The following EEPD1 variants were observed in gnomAD, a reference collection of about 807,000 sequenced individuals.
EEPD1 encodes the protein endonuclease/exonuclease/phosphatase family domain-containing protein 1.
A neutral mutation model predicts 46.3 loss-of-function variants in EEPD1; 17 were observed. The ratio of observed to expected loss-of-function variants is 0.37; its 90% CI spans 0.25 to 0.55. The LOEUF (loss-of-function observed/expected upper bound fraction) is 0.55. EEPD1 is among the 20% of genes least tolerant of loss of function. The pLI is 0.83. For synonymous variants in EEPD1, 313 were observed against 315.6 expected, an observed-to-expected ratio of 0.99 and a Z score of 0.09; for missense variants, 673 against 745.6, an observed-to-expected ratio of 0.90 and a Z score of 1.13.
In EEPD1 at chr7:36,297,039, C is replaced by A; in HGVS notation, c.1362C>A (p.Asp454Glu). 1.9e-6 allele frequency: 3 copies of A among 1,614,224 alleles called. No homozygotes were observed. The highest frequency in any genetic ancestry group is 2.5e-6 in the Non-Finnish European group (3 of 1,180,032). Residue 454 changes from aspartate to glutamate, a missense_variant, in exon 7 of 8, where the codon GAC becomes GAA. Physicochemically the swap from Asp to Glu is conservative, Grantham distance 45 (BLOSUM62 2). Transcript: ENST00000242108. ...TAGGGGATTTTGGCCAAGGGCCAGA[C>A]AGCAATGACTATGATATCCTGAGGA... ...IILGDFGQGP[D>E]SNDYDILRKE...
chr7:36,266,463 A>G (rs1787020522), intron 3 of EEPD1, among the ~76,000 whole-genome samples: 1 of 152,206 alleles, frequency 6.6e-6, no homozygotes. Context: ...AGCCTAGAGC[A>G]GCATCCTTTC....
intron 2 of EEPD1, among the ~76,000 whole-genome samples, chr7:36,185,899 C>T (rs1785353677): frequency 6.6e-6 from 1 of 152,178 alleles, no homozygotes; most frequent in Admixed American, 6.5e-5. Context: ...TAAAAGTGTA[C>T]AGCATAAATC....
At chr7:36,285,174 G>C (rs1361259024) in intron 5 of EEPD1, among the ~76,000 whole-genome samples, 1 of 152,162 alleles carries the variant, frequency 6.6e-6, no homozygotes, top group Non-Finnish European at 1.5e-5. Context: ...CAGAATTTGG[G>C]GGATTATCCG....
intron 2 of EEPD1, among the ~76,000 whole-genome samples, chr7:36,226,872 AAAG>A (rs1483662900): frequency 5.9e-5 from 9 of 152,200 alleles, no homozygotes; most frequent in Non-Finnish European, 7.3e-5. Flanking sequence ...CATTTAAACA[AAAG>A]AAGGTGACAG....
chr7:36,297,176 A>T lies in EEPD1; in HGVS notation c.1499A>T (p.Lys500Met). The T allele has an allele frequency of 3.1e-6, 5 of 1,614,068 alleles. No individual in the cohort carries two copies. The highest frequency in any genetic ancestry group is 4.2e-6 in the Non-Finnish European group (5 of 1,179,962). The change falls in exon 7 of 8, where the codon AAG (lysine) becomes ATG (methionine). Residue 500 changes from lysine to methionine, a missense_variant. By Grantham distance (95) the Lys-to-Met change is moderately conservative. Coordinates refer to ENST00000242108, the MANE Select transcript of EEPD1 (RefSeq NM_030636.3). Reference protein sequence around the residue: ...DNIWISKSLKKVFTGHWAVVR... With the variant: ...DNIWISKSLKMVFTGHWAVVR... ...ATCTGGATCAGTAAAAGCTTAAAGAAGGTTTTCACAGGTGAGGCAGAACTC... is the reference window on the plus strand; with the variant it reads ...ATCTGGATCAGTAAAAGCTTAAAGATGGTTTTCACAGGTGAGGCAGAACTC...
At chr7:36,204,631 G>A (rs1785779979) in intron 2 of EEPD1, among the ~76,000 whole-genome samples, 1 of 152,124 alleles carries the variant, frequency 6.6e-6, no homozygotes, top group South Asian at 2.1e-4. Context: ...AGATGAGGAG[G>A]ATCCCAGCAG....
At chr7:36,216,594 A>G (rs568993234) in intron 2 of EEPD1, among the ~76,000 whole-genome samples, 1 of 152,366 alleles carries the variant, frequency 6.6e-6, no homozygotes, top group African/African-American at 2.4e-5. Context: ...GTTTGAAACA[A>G]TTAAAGTTGT....
chr7:36,299,343 C>A lies in EEPD1; in HGVS notation c.*137C>A. 9.2e-7 allele frequency: 1 copy of A among 1,087,742 alleles called. No individual in the cohort carries two copies. The highest frequency in any genetic ancestry group is 1.3e-6 in the Non-Finnish European group (1 of 769,992). 67.4% of individuals were successfully genotyped at this position (1,087,742 alleles called of 1,614,324 possible). ...CATCAGCACTTGAGGCCTTGCCCCACGCCTTCTCTGTGGACCATTCAGGAC... is the reference window on the plus strand; with the variant it reads ...CATCAGCACTTGAGGCCTTGCCCCAAGCCTTCTCTGTGGACCATTCAGGAC... On this transcript the variant is annotated 3_prime_UTR_variant, in exon 8 of 8. Transcript: ENST00000242108.
At position 36,171,805 on chromosome 7, in the gene EEPD1, C is replaced by G. The variant is rs570658389; in HGVS notation, c.878+16603C>G. On this transcript the variant is annotated intron_variant, in intron 2 of 7. Coordinates refer to ENST00000242108, the MANE Select transcript of EEPD1 (RefSeq NM_030636.3). Reference sequence around the variant, plus strand: ...GCTCTTCTCTGTAGTTAGTTTCAGCCAAGCTTGTTGGTAGCTGGCATCTGA... The same window carrying G: ...GCTCTTCTCTGTAGTTAGTTTCAGCGAAGCTTGTTGGTAGCTGGCATCTGA... 7.9e-5 allele frequency among the ~76,000 whole-genome samples: 12 copies of G among 152,308 alleles called. No homozygotes were observed. In the South Asian group the frequency reaches 2.5e-3, roughly 32 times the overall value.
rs565322724 is a variant in EEPD1 at position 36,202,272 on chromosome 7, T to G, written c.879-36713T>G. On this transcript the variant is annotated intron_variant, in intron 2 of 7. Coordinates refer to ENST00000242108, the MANE Select transcript of EEPD1 (RefSeq NM_030636.3). ...CCTGTCAGGCCCTTGTGTGGAGTTC[T>G]CTCCCCAGACATTTCAGGGGCCTGA... Among the ~76,000 whole-genome samples, 3 of 152,290 alleles carry G rather than the reference T, an allele frequency of 2.0e-5. No homozygotes were observed. The South Asian group carries it at 6.2e-4, about 32-fold the overall frequency.
At chr7:36,192,484 G>T (rs1400318596) in intron 2 of EEPD1, among the ~76,000 whole-genome samples, 1 of 149,864 alleles carries the variant, frequency 6.7e-6, no homozygotes, top group Non-Finnish European at 1.5e-5. Context: ...GTCTATTTTT[G>T]TGTGCATGTA....
intron 3 of EEPD1, among the ~76,000 whole-genome samples, chr7:36,239,291 G>C (rs1468607309): frequency 6.6e-6 from 1 of 152,106 alleles, no homozygotes; most frequent in Non-Finnish European, 1.5e-5. Flanking sequence ...AGAGGCCCGT[G>C]CTGCAAGGGG....
intron 7 of EEPD1, among the ~76,000 whole-genome samples, 174 bp from the exon 8 acceptor site, chr7:36,298,833 G>A (rs751187960): frequency 3.3e-5 from 5 of 152,202 alleles, no homozygotes; most frequent in Non-Finnish European, 7.3e-5. Context: ...CAAACTGGCC[G>A]AGACCTTTAA....
intron 2 of EEPD1, among the ~76,000 whole-genome samples, chr7:36,169,386 T>G (rs1457508755): frequency 6.6e-6 from 1 of 152,222 alleles, no homozygotes; most frequent in Non-Finnish European, 1.5e-5. Context: ...TACATCCTCA[T>G]CAACAGTTGT....
chr7:36,252,185 G>C (rs1229880109), intron 3 of EEPD1, among the ~76,000 whole-genome samples: 1 of 152,216 alleles, frequency 6.6e-6, no homozygotes, highest in Non-Finnish European at 1.5e-5. Flanking sequence ...GCGGATTACA[G>C]ACTCAGGCAG....
rs192502719 is a variant in EEPD1 at position 36,283,882 on chromosome 7, T to A, written c.1042-804T>A. Among the ~76,000 whole-genome samples the A allele has an allele frequency of 3.3e-5, 5 of 152,260 alleles. No individual in the cohort carries two copies. The East Asian group carries it at 9.7e-4, about 29-fold the overall frequency. On this transcript the variant is annotated intron_variant, in intron 4 of 7. Transcript: ENST00000242108. ...AGCACTGCTGGCCTCTCAAATGACATGCAGATGGCTCCCAGGCAGCGGGTG... is the reference window on the plus strand; with the variant it reads ...AGCACTGCTGGCCTCTCAAATGACAAGCAGATGGCTCCCAGGCAGCGGGTG...
intron 5 of EEPD1, among the ~76,000 whole-genome samples, chr7:36,285,055 GA>G (rs1008434444): frequency 1.3e-5 from 2 of 152,182 alleles, no homozygotes; most frequent in Admixed American, 1.3e-4. Context: ...CTGAGCAGGA[GA>G]GGGGGGAAGG....
At chr7:36,202,229 G>A (rs1266534215) in intron 2 of EEPD1, among the ~76,000 whole-genome samples, 1 of 152,194 alleles carries the variant, frequency 6.6e-6, no homozygotes, top group Non-Finnish European at 1.5e-5. Flanking sequence ...AGAAAAATCT[G>A]CAGGACATGC....
chr7:36,269,845 A>G (rs574738281), intron 3 of EEPD1, among the ~76,000 whole-genome samples: 1 of 152,258 alleles, frequency 6.6e-6, no homozygotes, highest in Non-Finnish European at 1.5e-5. Flanking sequence ...TTCTAAACAT[A>G]TAGATAAAAA....
Sources: gnomAD v4.1 joint callset for allele counts (sites outside exome capture counted in the v4.1 genomes callset) on GRCh38, gnomAD v4.1.1 for gene constraint, MANE v1.5 for transcripts, NCBI Gene and HGNC (gene_info 2026-07-23, HGNC 2026-07-21) for gene names.